The following CCDC187 variants were observed in gnomAD, a reference collection of about 807,000 sequenced individuals.
CCDC187 encodes coiled-coil domain containing 187.
CCDC187 carries 32 observed loss-of-function variants against 38.0 expected under a neutral mutation model. The observed-to-expected ratio is 0.84, with a 90% confidence interval of 0.64 to 1.13. The LOEUF (loss-of-function observed/expected upper bound fraction) is 1.13. CCDC187 is among the 50% of genes most tolerant of loss of function. CCDC187 has a pLI of 0.00. For missense variants in CCDC187, 707 were observed against 786.8 expected (o/e 0.90, Z 1.21); for synonymous variants, 333 against 347.9 (o/e 0.96, Z 0.48).
intron 19 of CCDC187, among the ~76,000 whole-genome samples, chr9:136,261,096 C>T (rs1354443361): frequency 2.0e-5 from 3 of 152,282 alleles, no homozygotes; most frequent in South Asian, 2.1e-4. Context: ...CCTCGGCACG[C>T]GGCGTCTCAG....
Position 136,250,819 on chromosome 9 carries a change from G to A in CCDC187, c.*2775C>T, listed in dbSNP as rs782332251. Reference sequence around the variant, plus strand: ...TAACGGCACCTGGGGCTAAGCAGCCGCCCCGGGGCTGGAGAAGGCAGGCTG... The same window carrying A: ...TAACGGCACCTGGGGCTAAGCAGCCACCCCGGGGCTGGAGAAGGCAGGCTG... On this transcript the variant is annotated 3_prime_UTR_variant, in exon 26 of 26. Coordinates refer to ENST00000638797, the MANE Select transcript of CCDC187 (RefSeq NM_001378188.1). 4.2e-5 allele frequency: 19 copies of A among 456,122 alleles called. 1 individual carries two copies. The highest frequency in any genetic ancestry group is 2.2e-4 in the African/African-American group (11 of 50,100). 28.3% of individuals were successfully genotyped at this position (456,122 alleles called of 1,614,324 possible). A position where few individuals can be genotyped will look rare whatever the true frequency, so the allele number is the denominator to read the frequency against.
chr9:136,278,650 C>A (rs1408936423), intron 10 of CCDC187, among the ~76,000 whole-genome samples: 3 of 152,324 alleles, frequency 2.0e-5, no homozygotes, highest in Admixed American at 2.0e-4. Flanking sequence ...CGTTCTCAGT[C>A]ATGTGGCTTG....
Position 136,254,756 on chromosome 9 carries a change from C to T in CCDC187, c.5072G>A (p.Arg1691Gln), listed in dbSNP as rs1554760052. The change falls in exon 26 of 26, where the codon CGG becomes CAG. Residue 1691 changes from arginine to glutamine, a missense_variant. Physicochemically the swap from Arg to Gln is conservative, Grantham distance 43. Transcript: ENST00000638797. ...LSWRSNQGEP[R>Q]PGSAPGGGGW... ...TCCACCCCCAGGAGCACTGCCTGGC[C>T]GAGGCTCACCCTGGTTTGACCGCCA... 1.7e-5 allele frequency: 17 copies of T among 985,398 alleles called. No homozygotes were observed. Among genetic ancestry groups the T allele is most frequent in the Admixed American group, 6.1e-5 (1 of 16,278 alleles). 61.0% of individuals were successfully genotyped at this position (985,398 alleles called of 1,614,324 possible).
intron 15 of CCDC187, 63 bp downstream of exon 15, chr9:136,267,986 C>T (rs1830778905): frequency 1.0e-6 from 1 of 985,156 alleles, no homozygotes; most frequent in South Asian, 4.7e-5. Flanking sequence ...GTCCGGGGCC[C>T]ACTACCAGGG....
chr9:136,274,387 G>C (rs1389454457), intron 14 of CCDC187, among the ~76,000 whole-genome samples: 1 of 152,274 alleles, frequency 6.6e-6, no homozygotes, highest in Non-Finnish European at 1.5e-5. Flanking sequence ...GGCTGGGTGG[G>C]TGGAGATGGT....
chr9:136,269,432 G>A (rs570124826), intron 14 of CCDC187, among the ~76,000 whole-genome samples: 9 of 152,286 alleles, frequency 5.9e-5, no homozygotes, highest in Non-Finnish European at 1.2e-4. Flanking sequence ...GGTGGATCAC[G>A]AGGTCAGGAG....
chr9:136,255,950 G>A (rs1164017111), intron 24 of CCDC187, among the ~76,000 whole-genome samples: 1 of 152,212 alleles, frequency 6.6e-6, no homozygotes, highest in Non-Finnish European at 1.5e-5. Context: ...TGGATCAGGT[G>A]GCAGAGAGGG....
Position 136,297,828 on chromosome 9 carries a change from T to C in CCDC187, c.725-7A>G. The C allele has an allele frequency of 2.5e-6, 1 of 394,616 alleles. No individual in the cohort carries two copies. The highest frequency in any genetic ancestry group is 3.6e-5 in the East Asian group (1 of 27,872). 24.4% of individuals were successfully genotyped at this position (394,616 alleles called of 1,614,324 possible). A position where few individuals can be genotyped will look rare whatever the true frequency, so the allele number is the denominator to read the frequency against. ...TTGGGTTTTTCCCTCAGAACTTCAG[T>C]GAGGAAGAGAAAGGAAGGGAGGGAG... On this transcript the variant is annotated splice_polypyrimidine_tract_variant and splice_region_variant and intron_variant, in intron 3 of 25. Transcript: ENST00000638797.
At chr9:136,256,131 G>T in intron 24 of CCDC187, 80 bp downstream of exon 24, 1 of 719,082 alleles carries the variant, frequency 1.4e-6, no homozygotes, top group Non-Finnish European at 1.7e-6. Context: ...GGTCCCCACA[G>T]CAGGGGGACA....
At chr9:136,288,891 C>T (rs1468101169) in intron 7 of CCDC187, among the ~76,000 whole-genome samples, 13 of 152,338 alleles carry the variant, frequency 8.5e-5, no homozygotes, top group South Asian at 2.1e-4. Context: ...TGCAAGTTCC[C>T]GAGAAAGCTG....
Position 136,261,301 on chromosome 9 carries a change from G to A in CCDC187, c.4064+1010C>T, listed in dbSNP as rs151017308. ...GCAAAACACCGCAGGCGAGCTTCTC[G>A]TGGGTAGGCTCCCAGGGAGCCGAAG... On this transcript the variant is annotated intron_variant, in intron 19 of 25. Coordinates refer to ENST00000638797, the MANE Select transcript of CCDC187 (RefSeq NM_001378188.1). 1.3e-3 allele frequency among the ~76,000 whole-genome samples: 197 copies of A among 152,282 alleles called. 1 individual carries two copies. In the East Asian group the frequency reaches 0.027, roughly 21 times the overall value.
In CCDC187 at chr9:136,283,099, A is replaced by G. The variant is rs919474454; in HGVS notation, c.2928-1436T>C. ...CCCCGTCTCTACTAAAAATACAAAA[A>G]TTAGCTGGGCGTGGTGGCGGGTGCC... On this transcript the variant is annotated intron_variant, in intron 9 of 25. Coordinates refer to ENST00000638797, the MANE Select transcript of CCDC187 (RefSeq NM_001378188.1). Among the ~76,000 whole-genome samples the G allele has an allele frequency of 2.3e-4, 35 of 152,216 alleles. 1 individual carries two copies. In the East Asian group the frequency reaches 6.8e-3, roughly 29 times the overall value.
chr9:136,283,047 G>A (rs983901657), intron 9 of CCDC187, among the ~76,000 whole-genome samples: 3 of 152,168 alleles, frequency 2.0e-5, no homozygotes, highest in African/African-American at 2.4e-5. Flanking sequence ...TCAGGAGTTC[G>A]AGACCAGCCT....
rs1564323820 is a variant in CCDC187, at chr9:136,293,179, ACACACT to A, written c.833-890_833-885del. On this transcript the variant is annotated intron_variant, in intron 4 of 25. Coordinates refer to ENST00000638797, the MANE Select transcript of CCDC187 (RefSeq NM_001378188.1). ...CATGCTCACACACTCACATGCTCACACACACTCACATGCTCACACACTCACAAACAC... is the reference window on the plus strand; with the variant it reads ...CATGCTCACACACTCACATGCTCACACACATGCTCACACACTCACAAACAC... Among the ~76,000 whole-genome samples the A allele has an allele frequency of 5.6e-5, 6 of 106,440 alleles. 1 individual carries two copies. The highest frequency in any genetic ancestry group is 2.4e-4 in the African/African-American group (6 of 25,160). The allele number at this position is 106,440 out of a possible 152,430, so 69.8% of individuals were successfully genotyped here.
chr9:136,282,942 C>G (rs1831082043), intron 9 of CCDC187, among the ~76,000 whole-genome samples: 1 of 152,210 alleles, frequency 6.6e-6, no homozygotes, highest in Admixed American at 6.5e-5. Context: ...AGGGGACAGA[C>G]TCACCCCAAC....
chr9:136,268,642 A>C (rs1830788667), intron 14 of CCDC187, among the ~76,000 whole-genome samples: 1 of 152,024 alleles, frequency 6.6e-6, no homozygotes, highest in Non-Finnish European at 1.5e-5. Context: ...AAGGGACTGG[A>C]TTTTGGCTTT....
chr9:136,258,243 C>G lies in CCDC187; in HGVS notation c.4366+689G>C, dbSNP rs1830638256. Among the ~76,000 whole-genome samples the G allele has an allele frequency of 6.6e-6, 1 of 152,212 alleles. No individual in the cohort carries two copies. The highest frequency in any genetic ancestry group is 2.4e-5 in the African/African-American group (1 of 41,458). Reference sequence around the variant, plus strand: ...GGGCAGCCCCACAAGTGCTTCTGATCTCTTTCCGTCTCAACCCATCTGTCC... The same window carrying G: ...GGGCAGCCCCACAAGTGCTTCTGATGTCTTTCCGTCTCAACCCATCTGTCC... On this transcript the variant is annotated intron_variant, in intron 22 of 25. Transcript: ENST00000638797. This position sits in a 1 kb window ranked among gnomAD's most constrained non-coding sequence, Gnocchi z 4.3.
intron 19 of CCDC187, among the ~76,000 whole-genome samples, chr9:136,261,004 C>T (rs1333706446): frequency 1.3e-5 from 2 of 152,182 alleles, no homozygotes; most frequent in Admixed American, 6.5e-5. Context: ...CTTAGAGCCG[C>T]CCCAGAAACA....
chr9:136,299,419 C>T (rs991461910), intron 3 of CCDC187, among the ~76,000 whole-genome samples: 4 of 152,216 alleles, frequency 2.6e-5, no homozygotes, highest in Non-Finnish European at 4.4e-5. Context: ...CAAAAACGCA[C>T]ATGATTCCCT....
Sources: gnomAD v4.1 joint callset for allele counts (sites outside exome capture counted in the v4.1 genomes callset) on GRCh38, gnomAD v4.1.1 for gene constraint, Gnocchi (gnomAD v3.1) non-coding constraint, MANE v1.5 for transcripts, NCBI Gene and HGNC (gene_info 2026-07-23, HGNC 2026-07-21) for gene names.